Variants in CFAP70 observed in about 807,000 individuals in gnomAD.
CFAP70 encodes the protein cilia- and flagella-associated protein 70.
CFAP70 carries 81 observed loss-of-function variants against 137.6 expected under a neutral mutation model. That is an observed-to-expected ratio of 0.59 (90% confidence interval 0.49 to 0.71). The LOEUF (loss-of-function observed/expected upper bound fraction) is 0.71, where lower values mean the gene tolerates loss of function less well. CFAP70 is among the 30% of genes least tolerant of loss of function. CFAP70 has a pLI of 0.00. For missense variants in CFAP70, 976 were observed against 1,226.7 expected, an observed-to-expected ratio of 0.80 and a Z score of 3.05; for synonymous variants, 382 against 423.6, an observed-to-expected ratio of 0.90 and a Z score of 1.20.
At chr10:73,361,381 C>T (rs2055002091), upstream of CFAP70, among the ~76,000 whole-genome samples, 1 of 150,942 alleles carries the variant, frequency 6.6e-6, no homozygotes, top group African/African-American at 2.4e-5. Context: ...CAACCTCTGC[C>T]TCCCGGGTTC....
intron 5 of CFAP70, among the ~76,000 whole-genome samples, chr10:73,343,164 C>T (rs1246453150): frequency 6.7e-6 from 1 of 148,160 alleles, no homozygotes; most frequent in African/African-American, 2.5e-5. Flanking sequence ...GTGCCGAGAT[C>T]GCACCACTGC....
intron 14 of CFAP70, among the ~76,000 whole-genome samples, chr10:73,298,436 A>C (rs2048700754): frequency 6.6e-6 from 1 of 152,212 alleles, no homozygotes; most frequent in Admixed American, 6.5e-5. Context: ...GAATTTTAAA[A>C]AGTAAAATGT....
chr10:73,302,635 T>C (rs2049034224), intron 12 of CFAP70, among the ~76,000 whole-genome samples: 1 of 151,828 alleles, frequency 6.6e-6, no homozygotes, highest in African/African-American at 2.4e-5. Context: ...CAATAAATTA[T>C]CAAGCTTTTT....
chr10:73,256,497 G>A, intron 25 of CFAP70, 81 bp from the exon 27 acceptor site: 4 of 1,466,192 alleles, frequency 2.7e-6, no homozygotes, highest in South Asian at 1.2e-5. Context: ...AGCTAAGGCA[G>A]AGGCACCTAC....
At chr10:73,309,897 T>C (rs1189941349) in intron 12 of CFAP70, among the ~76,000 whole-genome samples, 1 of 151,492 alleles carries the variant, frequency 6.6e-6, no homozygotes, top group Non-Finnish European at 1.5e-5. Flanking sequence ...GCTCAGGCAA[T>C]CCCCCCCACC....
At chr10:73,270,558 C>T (rs1261086273) in intron 24 of CFAP70, among the ~76,000 whole-genome samples, 2 of 128,566 alleles carry the variant, frequency 1.6e-5, no homozygotes, top group East Asian at 2.5e-4. Context: ...TTCTCTTCGA[C>T]AGAGTCTCGC....
intron 15 of CFAP70, 41 bp downstream of exon 16, chr10:73,297,000 CT>C (rs2048590191): frequency 1.3e-6 from 2 of 1,595,206 alleles, no homozygotes; most frequent in African/African-American, 2.7e-5. Context: ...GACTCTGATG[CT>C]CTACAGAGAA....
chr10:73,285,703 C>T (rs1194146430), intron 19 of CFAP70, among the ~76,000 whole-genome samples: 1 of 147,818 alleles, frequency 6.8e-6, no homozygotes, highest in Non-Finnish European at 1.5e-5. Context: ...GGCACCGTGT[C>T]GGCTCACTGC....
At chr10:73,323,643 G>A (rs187430641) in intron 8 of CFAP70, among the ~76,000 whole-genome samples, 317 of 152,318 alleles carry the variant, frequency 2.1e-3, no homozygotes, top group Middle Eastern at 0.014. Flanking sequence ...TTTTGCCGAC[G>A]GGCTTAAAAA....
At chr10:73,313,384 A>AAG (rs2050087477) in intron 9 of CFAP70, among the ~76,000 whole-genome samples, 1 of 151,030 alleles carries the variant, frequency 6.6e-6, no homozygotes, top group African/African-American at 2.4e-5. Context: ...AAAAAAAAAA[A>AAG]AAAAAAAAAT....
At chr10:73,301,525 G>C (rs1298232351) in intron 12 of CFAP70, among the ~76,000 whole-genome samples, 2 of 152,162 alleles carry the variant, frequency 1.3e-5, no homozygotes, top group East Asian at 3.8e-4. Context: ...ACCACATATT[G>C]TATGATTCCA....
intron 4 of CFAP70, among the ~76,000 whole-genome samples, chr10:73,345,901 A>ATT (rs200994314): frequency 6.6e-6 from 1 of 151,106 alleles, no homozygotes; most frequent in African/African-American, 2.4e-5. Context: ...CATTTTTTTA[A>ATT]TTTTATTTTT....
intron 6 of CFAP70, among the ~76,000 whole-genome samples, chr10:73,339,800 G>A (rs562561347): frequency 6.2e-4 from 92 of 149,410 alleles, no homozygotes; most frequent in Non-Finnish European, 1.0e-3. Flanking sequence ...GGAGACACCA[G>A]AAACTGAAGA....
At chr10:73,310,937 A>G (rs187661278) in intron 11 of CFAP70, among the ~76,000 whole-genome samples, 79 of 152,258 alleles carry the variant, frequency 5.2e-4, no homozygotes, top group African/African-American at 1.9e-3. Flanking sequence ...ACACTCATCT[A>G]TACTACAAGA....
chr10:73,337,598 C>CT (rs2052796546), intron 6 of CFAP70, among the ~76,000 whole-genome samples: 6 of 152,056 alleles, frequency 3.9e-5, no homozygotes, highest in Admixed American at 3.3e-4. Flanking sequence ...AAAATCTGGA[C>CT]TTCCTAAAGA....
chr10:73,313,405 T>G (rs541127275), intron 9 of CFAP70, among the ~76,000 whole-genome samples: 1 of 145,362 alleles, frequency 6.9e-6, no homozygotes, highest in East Asian at 2.0e-4. Flanking sequence ...CAGCGAGGTA[T>G]GGTGGCACAT....
chr10:73,335,710 TATAAG>T lies in CFAP70; in HGVS notation c.583-191_583-187del, dbSNP rs540544339. ...TTATGAGTACTTTATTAATAAAGTA[TATAAG>T]ATAAGATAAATTACATATATAATAG... On this transcript the variant is annotated intron_variant, in intron 6 of 26. Transcript: ENST00000310715. 2.7e-3 allele frequency among the ~76,000 whole-genome samples: 416 copies of T among 152,108 alleles called. 3 individuals are homozygous for T. Among genetic ancestry groups the T allele is most frequent in the African/African-American group, 8.3e-3 (343 of 41,498 alleles).
intron 9 of CFAP70, among the ~76,000 whole-genome samples, chr10:73,314,288 C>T (rs1589447329): frequency 6.6e-6 from 1 of 152,102 alleles, no homozygotes; most frequent in South Asian, 2.1e-4. Context: ...TAATATTGTA[C>T]AATTTAAATA....
chr10:73,293,415 A>G, intron 15 of CFAP70, 27 bp from the exon 17 acceptor site: 1 of 1,548,396 alleles, frequency 6.5e-7, no homozygotes, highest in South Asian at 1.2e-5. Flanking sequence ...TGTTAGGTAG[A>G]CAAAAATGAA....
Sources: gnomAD v4.1 joint callset for allele counts (sites outside exome capture counted in the v4.1 genomes callset) on GRCh38, gnomAD v4.1.1 for gene constraint, MANE v1.5 for transcripts, NCBI Gene and HGNC (gene_info 2026-07-23, HGNC 2026-07-21) for gene names.